Variants in SLCO6A1 observed in about 807,000 individuals in gnomAD.
The protein encoded by SLCO6A1 is solute carrier organic anion transporter family member 6A1.
Under a neutral mutation model 72.7 loss-of-function variants are expected in SLCO6A1, and 65 were observed. The ratio of observed to expected loss-of-function variants is 0.89; its 90% CI spans 0.73 to 1.10. The LOEUF is 1.10. Among genes scored for constraint, SLCO6A1 ranks in the 50% least tolerant of loss-of-function variants. The probability of loss-of-function intolerance (pLI) is 0.00; values close to 1 mark genes in which losing one functional copy is unlikely to be tolerated. For synonymous variants in SLCO6A1, 314 were observed against 298.2 expected, an observed-to-expected ratio of 1.05 and a Z score of -0.55; for missense variants, 874 against 872.6, an observed-to-expected ratio of 1.00 and a Z score of -0.02.
intron 7 of SLCO6A1, among the ~76,000 whole-genome samples, chr5:102,431,651 T>G (rs575087388): frequency 6.6e-6 from 1 of 152,258 alleles, no homozygotes; most frequent in Non-Finnish European, 1.5e-5. Flanking sequence ...ATATATCTGA[T>G]TTTGTGGTTG....
In SLCO6A1 at chr5:102,399,609, G is replaced by C; in HGVS notation, c.1760C>G (p.Ser587Cys). The change falls in exon 10 of 14, where the codon TCT becomes TGT. Residue 587 changes from serine (S) to cysteine (C), a missense_variant. Transcript: ENST00000506729. ...AGAAAAACCAGAAAATATAAGTGTA[G>C]AAAAGATAAAAGCAATGAACAAAGG... ...KLPLFIAFIF[S>C]TLIFSGFSGV... 6.2e-7 allele frequency: 1 copy of C among 1,603,582 alleles called. No homozygotes were observed.
At chr5:102,438,376 T>G (rs1749659393) in intron 7 of SLCO6A1, among the ~76,000 whole-genome samples, 1 of 151,752 alleles carries the variant, frequency 6.6e-6, no homozygotes, top group Non-Finnish European at 1.5e-5. Context: ...TTCAGAAGAG[T>G]GATTACCTGT....
intron 7 of SLCO6A1, among the ~76,000 whole-genome samples, chr5:102,436,672 T>G (rs1749553545): frequency 6.6e-6 from 1 of 152,140 alleles, no homozygotes; most frequent in Admixed American, 6.5e-5. Flanking sequence ...GACTGATAAT[T>G]TCATGGACTG....
intron 8 of SLCO6A1, among the ~76,000 whole-genome samples, chr5:102,416,360 C>CAT (rs1175292664): frequency 6.6e-6 from 1 of 151,448 alleles, no homozygotes; most frequent in Non-Finnish European, 1.5e-5. Flanking sequence ...TTTATATATA[C>CAT]ATATATATAC....
intron 9 of SLCO6A1, among the ~76,000 whole-genome samples, chr5:102,401,201 G>C (rs1747380153): frequency 6.6e-6 from 1 of 152,006 alleles, no homozygotes; most frequent in African/African-American, 2.4e-5. Context: ...AAAAGGAACA[G>C]TAATTGAAAA....
At chr5:102,435,498 A>G (rs1462692893) in intron 7 of SLCO6A1, among the ~76,000 whole-genome samples, 5 of 152,212 alleles carry the variant, frequency 3.3e-5, no homozygotes, top group Non-Finnish European at 5.9e-5. Context: ...AGCAGAAAGG[A>G]AAGTCCTAGC....
At chr5:102,388,977 T>C (rs145074581) in intron 11 of SLCO6A1, 152 bp from the exon 12 acceptor site, 1 of 727,768 alleles carries the variant, frequency 1.4e-6, no homozygotes, top group East Asian at 3.2e-5. Context: ...ATAGGATTGT[T>C]AATCACTGGA....
At chr5:102,442,073 A>G (rs887066076) in intron 6 of SLCO6A1, among the ~76,000 whole-genome samples, 4 of 152,176 alleles carry the variant, frequency 2.6e-5, no homozygotes, top group African/African-American at 9.6e-5. Context: ...ATGATTTTAT[A>G]TAAAAATATT....
At chr5:102,429,225 G>A (rs1477875896) in intron 7 of SLCO6A1, among the ~76,000 whole-genome samples, 1 of 152,030 alleles carries the variant, frequency 6.6e-6, no homozygotes, top group Admixed American at 6.6e-5. Context: ...TGCTTACCTT[G>A]GAAATATTTT....
At chr5:102,454,382 T>C (rs188635254) in intron 6 of SLCO6A1, among the ~76,000 whole-genome samples, 5 of 152,380 alleles carry the variant, frequency 3.3e-5, no homozygotes, top group Admixed American at 3.3e-4. Flanking sequence ...TGTATGCCTT[T>C]GCTTAATTTC....
chr5:102,410,701 G>T (rs766071475), intron 9 of SLCO6A1, among the ~76,000 whole-genome samples: 5 of 152,106 alleles, frequency 3.3e-5, no homozygotes, highest in Non-Finnish European at 7.4e-5. Flanking sequence ...GATTCTGATG[G>T]TAATGGCCCC....
chr5:102,495,478 C>T (rs1291489081), intron 1 of SLCO6A1, among the ~76,000 whole-genome samples: 1 of 151,978 alleles, frequency 6.6e-6, no homozygotes, highest in Non-Finnish European at 1.5e-5. Context: ...ACCTGTAATC[C>T]CTACTACTTG....
chr5:102,392,233 T>G, intron 10 of SLCO6A1, among the ~76,000 whole-genome samples: 1 of 152,024 alleles, frequency 6.6e-6, no homozygotes, highest in South Asian at 2.1e-4. Context: ...ATATATTTAC[T>G]ATTAGAAAAA....
chr5:102,436,946 T>C (rs1364418877), intron 7 of SLCO6A1, among the ~76,000 whole-genome samples: 1 of 152,116 alleles, frequency 6.6e-6, no homozygotes, highest in Non-Finnish European at 1.5e-5. Context: ...ATAGGGGTGG[T>C]CATAAAAGAT....
chr5:102,472,885 T>C (rs986032758), intron 4 of SLCO6A1, among the ~76,000 whole-genome samples: 5 of 152,024 alleles, frequency 3.3e-5, no homozygotes, highest in African/African-American at 1.2e-4. Flanking sequence ...TTAGAAGACA[T>C]GGATACATTT....
chr5:102,414,272 T>C (rs1253488760), intron 8 of SLCO6A1, among the ~76,000 whole-genome samples: 2 of 152,200 alleles, frequency 1.3e-5, no homozygotes, highest in East Asian at 3.8e-4. Flanking sequence ...TAAAATTCAT[T>C]CATTTGCATA....
At chr5:102,460,295 G>A (rs999849030) in intron 4 of SLCO6A1, among the ~76,000 whole-genome samples, 1 of 151,998 alleles carries the variant, frequency 6.6e-6, no homozygotes, top group Non-Finnish European at 1.5e-5. Context: ...TAGTGTGAAT[G>A]TATCCTTCTA....
chr5:102,384,312 C>A (rs1746285642), intron 12 of SLCO6A1, among the ~76,000 whole-genome samples: 1 of 151,842 alleles, frequency 6.6e-6, no homozygotes, highest in Non-Finnish European at 1.5e-5. Context: ...AGATTTTAAC[C>A]TATTTACATT....
intron 4 of SLCO6A1, among the ~76,000 whole-genome samples, chr5:102,472,341 T>C (rs1321107910): frequency 6.6e-6 from 1 of 152,130 alleles, no homozygotes; most frequent in Non-Finnish European, 1.5e-5. Context: ...CAGGATAGTT[T>C]CCAGGTAGTA....
Sources: allele counts gnomAD v4.1 joint callset (sites outside exome capture counted in the v4.1 genomes callset), GRCh38; gene constraint gnomAD v4.1.1; transcripts MANE v1.5; gene names NCBI Gene and HGNC (gene_info 2026-07-23, HGNC 2026-07-21).